Variants in PDE4B observed in about 807,000 individuals in gnomAD.
PDE4B encodes 3',5'-cyclic-AMP phosphodiesterase 4B.
A neutral mutation model predicts 82.2 loss-of-function variants in PDE4B; 20 were observed. The observed-to-expected ratio is 0.24, with a 90% CI of 0.17 to 0.35. PDE4B has a LOEUF of 0.35. Ranked by LOEUF, PDE4B falls within the 10% of genes least tolerant of loss-of-function variation. PDE4B has a pLI of 1.00. For synonymous variants in PDE4B, 320 were observed against 318.9 expected (o/e 1.00, Z -0.04); for missense variants, 655 against 907.2 (o/e 0.72, Z 3.57).
At chr1:66,061,031 T>A (rs1655559233) in intron 3 of PDE4B, among the ~76,000 whole-genome samples, 1 of 151,906 alleles carries the variant, frequency 6.6e-6, no homozygotes, top group East Asian at 1.9e-4. Context: ...ATATTTATTC[T>A]GTCAGCTATA....
intron 3 of PDE4B, among the ~76,000 whole-genome samples, chr1:66,006,788 T>C (rs1027944686): frequency 2.6e-5 from 4 of 152,082 alleles, no homozygotes; most frequent in African/African-American, 7.2e-5. Flanking sequence ...TGCAATCATG[T>C]GAAGAAGGAC....
At chr1:66,269,699 C>G (rs991094137) in intron 7 of PDE4B, among the ~76,000 whole-genome samples, 2 of 152,142 alleles carry the variant, frequency 1.3e-5, no homozygotes, top group Admixed American at 6.5e-5. Context: ...TCCATTCCAT[C>G]CTATCCTTTG....
chr1:66,123,499 C>T (rs1386689360), intron 3 of PDE4B, among the ~76,000 whole-genome samples: 1 of 151,840 alleles, frequency 6.6e-6, no homozygotes, highest in Non-Finnish European at 1.5e-5. Context: ...TTGTCATTCC[C>T]TCTCTCCTTT....
chr1:66,339,171 G>A (rs1660770607), intron 8 of PDE4B, among the ~76,000 whole-genome samples: 1 of 152,158 alleles, frequency 6.6e-6, no homozygotes, highest in Non-Finnish European at 1.5e-5. Flanking sequence ...TAATATGTAA[G>A]GGAAATTTTT....
intron 3 of PDE4B, among the ~76,000 whole-genome samples, chr1:66,200,826 A>C (rs1648850618): frequency 6.6e-6 from 1 of 152,172 alleles, no homozygotes; most frequent in South Asian, 2.1e-4. Flanking sequence ...TCCTAACTAA[A>C]TACCCTTTAT....
At chr1:66,252,461 C>T (rs914669586) in intron 4 of PDE4B, among the ~76,000 whole-genome samples, 4 of 152,136 alleles carry the variant, frequency 2.6e-5, no homozygotes, top group African/African-American at 9.7e-5. Context: ...CCTAACCTAC[C>T]TTAAATGTGC....
intron 3 of PDE4B, among the ~76,000 whole-genome samples, chr1:66,189,224 C>T (rs1353016220): frequency 6.6e-6 from 1 of 152,024 alleles, no homozygotes; most frequent in Non-Finnish European, 1.5e-5. Flanking sequence ...GATGGTTTCC[C>T]TTTGTGGGTA....
intron 3 of PDE4B, among the ~76,000 whole-genome samples, chr1:66,072,011 C>T (rs1187195369): frequency 6.6e-6 from 1 of 152,056 alleles, no homozygotes; most frequent in Non-Finnish European, 1.5e-5. Flanking sequence ...TTCACAGCAC[C>T]AGTACATCTC....
intron 3 of PDE4B, among the ~76,000 whole-genome samples, chr1:65,925,001 A>G (rs1427392150): frequency 1.3e-5 from 2 of 152,224 alleles, no homozygotes; most frequent in African/African-American, 4.8e-5. Flanking sequence ...GGGATTCTGC[A>G]AAGGAATAAA....
At chr1:66,229,051 A>G (rs1197439133) in intron 3 of PDE4B, among the ~76,000 whole-genome samples, 1 of 152,046 alleles carries the variant, frequency 6.6e-6, no homozygotes, top group Non-Finnish European at 1.5e-5. Flanking sequence ...TCTGTCGCCC[A>G]GGCTGGAGTG....
chr1:65,799,432 A>AT (rs35490302), intron 1 of PDE4B, among the ~76,000 whole-genome samples: 8 of 152,276 alleles, frequency 5.3e-5, no homozygotes, highest in Non-Finnish European at 7.4e-5. Context: ...GGAGGACATG[A>AT]TTTTTTTAAA....
At chr1:65,808,594 G>A (rs1183803065) in intron 1 of PDE4B, among the ~76,000 whole-genome samples, 1 of 152,226 alleles carries the variant, frequency 6.6e-6, no homozygotes, top group Non-Finnish European at 1.5e-5. Context: ...AGATCACACT[G>A]TGAACTTTGA....
intron 1 of PDE4B, among the ~76,000 whole-genome samples, chr1:65,807,180 C>T (rs1391424406): frequency 6.6e-6 from 1 of 152,182 alleles, no homozygotes; most frequent in Non-Finnish European, 1.5e-5. Flanking sequence ...GTGATTCAGG[C>T]ACCCCTTTGC....
At chr1:66,067,515 G>A (rs577648232) in intron 3 of PDE4B, among the ~76,000 whole-genome samples, 11 of 152,076 alleles carry the variant, frequency 7.2e-5, no homozygotes, top group Non-Finnish European at 1.0e-4. Context: ...CATCTCCTTC[G>A]CCCACTTGTT....
intron 3 of PDE4B, among the ~76,000 whole-genome samples, chr1:66,163,157 G>C (rs894836121): frequency 6.6e-6 from 1 of 152,046 alleles, no homozygotes; most frequent in Non-Finnish European, 1.5e-5. Context: ...AATTCTTCCC[G>C]AGACTCACCT....
chr1:66,053,104 T>C (rs1655125899), intron 3 of PDE4B, among the ~76,000 whole-genome samples: 1 of 152,226 alleles, frequency 6.6e-6, no homozygotes. Context: ...TCTGCAGTTA[T>C]CTCATATCTA....
intron 8 of PDE4B, among the ~76,000 whole-genome samples, chr1:66,340,692 A>G (rs1660913732): frequency 6.6e-6 from 1 of 152,176 alleles, no homozygotes; most frequent in East Asian, 1.9e-4. Context: ...ACTTTAAGCA[A>G]TTATAAAAAT....
intron 1 of PDE4B, among the ~76,000 whole-genome samples, chr1:65,832,399 C>T (rs939957653): frequency 6.6e-6 from 1 of 152,036 alleles, no homozygotes; most frequent in East Asian, 1.9e-4. Flanking sequence ...GTAACTTGGT[C>T]GAGAGTGATT....
intron 3 of PDE4B, among the ~76,000 whole-genome samples, chr1:66,149,509 T>C (rs1438532029): frequency 6.6e-6 from 1 of 152,206 alleles, no homozygotes; most frequent in Non-Finnish European, 1.5e-5. Context: ...GTGTCCCTTC[T>C]AAGAAACCAT....
Sources: gnomAD v4.1 joint callset for allele counts (sites outside exome capture counted in the v4.1 genomes callset) on GRCh38, gnomAD v4.1.1 for gene constraint, MANE v1.5 for transcripts, NCBI Gene and HGNC (gene_info 2026-07-23, HGNC 2026-07-21) for gene names.